Variants in MDM2 observed in about 807,000 individuals in gnomAD.
MDM2 encodes the protein MDM2 proto-oncogene, also known as E3 ubiquitin-protein ligase Mdm2.
A neutral mutation model predicts 64.3 loss-of-function variants in MDM2; 11 were observed. The observed-to-expected ratio is 0.17, with a 90% confidence interval of 0.11 to 0.28. The LOEUF (loss-of-function observed/expected upper bound fraction) is 0.28, where lower values mean the gene tolerates loss of function less well. Among genes scored for constraint, MDM2 ranks in the 10% least tolerant of loss-of-function variants. The pLI is 1.00. For missense variants in MDM2, 388 were observed against 577.1 expected, an observed-to-expected ratio of 0.67 and a Z score of 3.36; for synonymous variants, 194 against 192.9, an observed-to-expected ratio of 1.01 and a Z score of -0.05.
chr12:68,833,289 A>ATTTATATAAT (rs1330782308), intron 8 of MDM2, among the ~76,000 whole-genome samples: 4 of 110,980 alleles, frequency 3.6e-5, no homozygotes, highest in African/African-American at 1.1e-4. Flanking sequence ...AAATATAAAT[A>ATTTATATAAT]TATATATTTA....
chr12:68,817,359 G>A (rs762238313), intron 4 of MDM2, among the ~76,000 whole-genome samples: 2 of 152,170 alleles, frequency 1.3e-5, no homozygotes, highest in African/African-American at 4.8e-5. Context: ...CCACCACGTG[G>A]TAAAGGCTTA....
intron 8 of MDM2, among the ~76,000 whole-genome samples, chr12:68,831,828 A>G (rs2701102): frequency 0.88 from 134,089 of 152,196 alleles, 59,329 homozygotes; most frequent in African/African-American, 0.97. Context: ...AGCACTTTGG[A>G]AGGCCCAGGC....
chr12:68,825,601 C>T (rs565031548), intron 7 of MDM2, among the ~76,000 whole-genome samples: 18 of 152,170 alleles, frequency 1.2e-4, no homozygotes, highest in Non-Finnish European at 1.8e-4. Context: ...TACAGTGAGC[C>T]GAGATCACGC....
chr12:68,815,345 G>T (rs1490797361), intron 3 of MDM2, among the ~76,000 whole-genome samples: 1 of 151,946 alleles, frequency 6.6e-6, no homozygotes, highest in Non-Finnish European at 1.5e-5. Context: ...CTTTGTTCTG[G>T]GGCACACAGG....
Position 68,839,829 on chromosome 12 carries a change from G to T in MDM2, c.1474G>T (p.Val492Leu). 1 of 1,613,962 alleles carries T rather than the reference G, an allele frequency of 6.2e-7. No homozygotes were observed. Among genetic ancestry groups the T allele is most frequent in the Non-Finnish European group, 8.5e-7 (1 of 1,179,988 alleles). Residue 492 changes from valine (V) to leucine (L), a missense_variant, in exon 11 of 11, where the codon GTG becomes TTG. Val to Leu is a conservative substitution (Grantham distance 32). Coordinates refer to ENST00000258149, the MANE Select transcript of MDM2 (RefSeq NM_002392.6). The stretch of plus-strand genomic sequence containing the variant: ...ATGTAGACAACCAATTCAAATGATT[G>T]TGCTAACTTATTTCCCCTAGTTGAC... The part of the protein sequence containing the change: ...PVCRQPIQMI[V>L]LTYFP
rs1297140663 is a variant in MDM2 at position 68,839,367 on chromosome 12, GAAGATAAAGGGA to G, written c.1024_1035del (p.Lys342_Gly345del). 1.2e-6 allele frequency: 2 copies of G among 1,613,866 alleles called. No individual in the cohort carries two copies. The highest frequency in any genetic ancestry group is 1.1e-5 in the South Asian group (1 of 91,056). On this transcript the variant is annotated inframe_deletion, in exon 11 of 11. Transcript: ENST00000258149. ...GGCCCTTCGTGAGAATTGGCTTCCT[GAAGATAAAGGGA>G]AAGATAAAGGGGAAATCTCTGAGAA...
chr12:68,808,458 T>G lies in MDM2; in HGVS notation c.-20T>G. On this transcript the variant is annotated 5_prime_UTR_variant, in exon 1 of 11. Transcript: ENST00000258149. ...TGGGGAGTCTTGAGGGACCCCCGAC[T>G]CCAAGCGCGAAAACCCCGGATGGTG... 1.2e-6 allele frequency: 2 copies of G among 1,614,040 alleles called. No homozygotes were observed. Among genetic ancestry groups the G allele is most frequent in the Non-Finnish European group, 1.7e-6 (2 of 1,179,984 alleles).
chr12:68,842,048 A>T lies in MDM2; in HGVS notation c.*2199A>T, dbSNP rs775833695. The T allele has an allele frequency of 2.5e-6, 1 of 405,530 alleles. No individual in the cohort carries two copies. The highest frequency in any genetic ancestry group is 2.0e-5 in the African/African-American group (1 of 49,302). 25.1% of individuals were successfully genotyped at this position (405,530 alleles called of 1,614,324 possible). A position where few individuals can be genotyped will look rare whatever the true frequency, so the allele number is the denominator to read the frequency against. ...TCACAAAAACTTTAAAAGAAGTGCA[A>T]TTCTCAAAAGGTTAGGTGGACTAAA... On this transcript the variant is annotated 3_prime_UTR_variant, in exon 11 of 11. Transcript: ENST00000258149.
At chr12:68,849,045 G>A (rs1372142017), downstream of MDM2, 1 of 151,488 alleles carries the variant, frequency 6.6e-6, no homozygotes, top group African/African-American at 2.4e-5. Flanking sequence ...AAGGTGGGAG[G>A]TGGAAGTATC....
In MDM2 at chr12:68,830,617, C is replaced by G. The variant is rs1690920; in HGVS notation, c.684+1686C>G. 2.6e-5 allele frequency among the ~76,000 whole-genome samples: 4 copies of G among 152,038 alleles called. No individual in the cohort carries two copies. In the South Asian group the frequency reaches 8.3e-4, roughly 32 times the overall value. Reference sequence around the variant, plus strand: ...CCAGTGGAAAAAATAGGCTCTTGAGCGGAAATATATGTGATAAAATTGAAT... The same window carrying G: ...CCAGTGGAAAAAATAGGCTCTTGAGGGGAAATATATGTGATAAAATTGAAT... On this transcript the variant is annotated intron_variant, in intron 8 of 10. Transcript: ENST00000258149.
Position 68,839,268 on chromosome 12 carries a change from T to C in MDM2, c.919-6T>C, listed in dbSNP as rs1401429516. 3 of 1,607,684 alleles carry C rather than the reference T, an allele frequency of 1.9e-6. No homozygotes were observed. The highest frequency in any genetic ancestry group is 2.5e-6 in the Non-Finnish European group (3 of 1,176,924). On this transcript the variant is annotated splice_polypyrimidine_tract_variant and splice_region_variant and intron_variant, in intron 10 of 10. Transcript: ENST00000258149. ...GAAACTGACTGTGTGTCTTATTTCA[T>C]TGAAGGACTATTGGAAATGCACTTC... is the stretch of plus-strand genomic sequence containing the variant.
rs1439570165 is a variant in MDM2, at chr12:68,843,422, GA to G, written c.*3576del. 4.3e-6 allele frequency: 1 copy of G among 230,066 alleles called. No homozygotes were observed. Among genetic ancestry groups the G allele is most frequent in the African/African-American group, 2.2e-5 (1 of 45,104 alleles). The allele number at this position is 230,066 out of a possible 1,614,324, so 14.3% of individuals were successfully genotyped here. The stretch of plus-strand genomic sequence containing the variant: ...GATTTGATCAATACCCATTGTATGT[GA>G]AACAGTACATACACCATATTTACAA... On this transcript the variant is annotated 3_prime_UTR_variant, in exon 11 of 11. Coordinates refer to ENST00000258149, the MANE Select transcript of MDM2 (RefSeq NM_002392.6).
intron 5 of MDM2, 32 bp downstream of exon 5, chr12:68,820,406 C>T (rs1336846390): frequency 5.2e-6 from 8 of 1,537,578 alleles, no homozygotes; most frequent in Non-Finnish European, 7.1e-6. Context: ...TGGATAAATA[C>T]CATAAAAACG....
At chr12:68,814,543 AT>A in intron 3 of MDM2, 1 of 341,198 alleles carries the variant, frequency 2.9e-6, no homozygotes, top group Non-Finnish European at 5.8e-6. Flanking sequence ...GTTTGTGAAA[AT>A]AAGAATAGAA....
At chr12:68,824,991 G>A (rs993619244) in intron 7 of MDM2, among the ~76,000 whole-genome samples, 21 of 152,178 alleles carry the variant, frequency 1.4e-4, no homozygotes, top group East Asian at 1.9e-4. Flanking sequence ...GGCGGATCAC[G>A]AGGTCAGGAG....
In MDM2 at chr12:68,839,889, T is replaced by C; in HGVS notation, c.*40T>C. Reference sequence around the variant, plus strand: ...AGAGAATTATATATTTCTAACTATATAACCCTAGGAATTTAGACAACCTGA... The same window carrying C: ...AGAGAATTATATATTTCTAACTATACAACCCTAGGAATTTAGACAACCTGA... On this transcript the variant is annotated 3_prime_UTR_variant, in exon 11 of 11. Transcript: ENST00000258149. 3 of 1,558,086 alleles carry C rather than the reference T, an allele frequency of 1.9e-6. No homozygotes were observed. Among genetic ancestry groups the C allele is most frequent in the Non-Finnish European group, 2.6e-6 (3 of 1,146,730 alleles).
chr12:68,829,441 A>G (rs2136150331), intron 8 of MDM2, among the ~76,000 whole-genome samples: 1 of 152,306 alleles, frequency 6.6e-6, no homozygotes, highest in Non-Finnish European at 1.5e-5. Flanking sequence ...TCTAGACATC[A>G]GGTAAGTTCT....
chr12:68,814,369 G>C (rs1362165201), intron 3 of MDM2, among the ~76,000 whole-genome samples: 1 of 152,144 alleles, frequency 6.6e-6, no homozygotes, highest in Non-Finnish European at 1.5e-5. Context: ...ATATTATCTT[G>C]ATATAGTGAG....
chr12:68,844,176 G>A lies in MDM2; in HGVS notation c.*4327G>A, dbSNP rs1884063848. On this transcript the variant is annotated 3_prime_UTR_variant, in exon 11 of 11. Transcript: ENST00000258149. ...ACACGTGTTGAAAATAAATGATTAAGAATTGTTTCAAGAATGCAATTATTT... is the reference window on the plus strand; with the variant it reads ...ACACGTGTTGAAAATAAATGATTAAAAATTGTTTCAAGAATGCAATTATTT... 1 of 207,974 alleles carries A rather than the reference G, an allele frequency of 4.8e-6. No individual in the cohort carries two copies. The highest frequency in any genetic ancestry group is 1.9e-4 in the South Asian group (1 of 5,306). The allele number at this position is 207,974 out of a possible 1,614,324, so 12.9% of individuals were successfully genotyped here. A position where few individuals can be genotyped will look rare whatever the true frequency, so the allele number is the denominator to read the frequency against.
Sources: gnomAD v4.1 joint callset for allele counts (sites outside exome capture counted in the v4.1 genomes callset) on GRCh38, gnomAD v4.1.1 for gene constraint, MANE v1.5 for transcripts, NCBI Gene and HGNC (gene_info 2026-07-23, HGNC 2026-07-21) for gene names.